ARHGEF9: variants seen among roughly 807,000 people sequenced by gnomAD.
ARHGEF9 encodes rho guanine nucleotide exchange factor 9.
ARHGEF9 carries 2 observed loss-of-function variants against 41.3 expected under a neutral mutation model. That is an observed-to-expected ratio of 0.05 (90% confidence interval 0.02 to 0.15). The LOEUF (loss-of-function observed/expected upper bound fraction) is 0.15. Among genes scored for constraint, ARHGEF9 ranks in the 10% least tolerant of loss-of-function variants. The pLI is 1.00. For synonymous variants in ARHGEF9, 160 were observed against 154.4 expected, an observed-to-expected ratio of 1.04 and a Z score of -0.27; for missense variants, 225 against 424.7, an observed-to-expected ratio of 0.53 and a Z score of 4.13.
intron 2 of ARHGEF9, among the ~76,000 whole-genome samples, chrX:63,721,958 G>A (rs1346877173): frequency 4.5e-4 from 50 of 111,649 alleles, no homozygotes; most frequent in Non-Finnish European, 1.1e-4. Flanking sequence ...GGTGTGAATA[G>A]GTCAAGACAC....
intron 7 of ARHGEF9, among the ~76,000 whole-genome samples, chrX:63,662,338 CA>C (rs782284507): frequency 5.4e-5 from 6 of 111,677 alleles, no homozygotes; most frequent in African/African-American, 2.0e-4. Context: ...GCAAGGAAAC[CA>C]TGGGAAAATC....
At chrX:63,663,120 C>T (rs1364821791) in intron 7 of ARHGEF9, among the ~76,000 whole-genome samples, 1 of 111,836 alleles carries the variant, frequency 8.9e-6, no homozygotes, top group Non-Finnish European at 1.9e-5. Context: ...CTTACAACCT[C>T]AGATCCTTTG....
intron 5 of ARHGEF9, among the ~76,000 whole-genome samples, chrX:63,677,526 T>G (rs1347146312): frequency 9.0e-6 from 1 of 111,131 alleles, no homozygotes; most frequent in Non-Finnish European, 1.9e-5. Flanking sequence ...TAATACAGAT[T>G]CCTGAGACCT....
intron 6 of ARHGEF9, among the ~76,000 whole-genome samples, chrX:63,666,449 T>TAC (rs782141996): frequency 5.0e-5 from 1 of 19,843 alleles, no homozygotes; most frequent in Non-Finnish European, 1.1e-4. Context: ...CATATATATA[T>TAC]ACATACACAC....
intron 2 of ARHGEF9, among the ~76,000 whole-genome samples, chrX:63,716,986 T>C (rs1293005329): frequency 1.8e-5 from 2 of 112,151 alleles, no homozygotes; most frequent in Non-Finnish European, 3.8e-5. Context: ...TTTATATAAA[T>C]ATGGGAATGA....
At chrX:63,752,884 C>G (rs1441623516) in intron 1 of ARHGEF9, among the ~76,000 whole-genome samples, 2 of 112,076 alleles carry the variant, frequency 1.8e-5, no homozygotes, top group Non-Finnish European at 1.9e-5. Flanking sequence ...TGAACAGCCA[C>G]CCACATGGGT....
chrX:63,709,129 TG>T (rs1344787515), intron 2 of ARHGEF9: 1 of 112,082 alleles, frequency 8.9e-6, no homozygotes, highest in Non-Finnish European at 1.9e-5. Context: ...TGCAGGCTAA[TG>T]TGTACCTTTT....
chrX:63,758,127 CT>C (rs781853715), intron 1 of ARHGEF9, among the ~76,000 whole-genome samples: 668 of 86,660 alleles, frequency 7.7e-3, no homozygotes, highest in African/African-American at 8.7e-3. Flanking sequence ...GAGAATGGGA[CT>C]TTTTTTTTTT....
chrX:63,769,380 G>C (rs1269311220), intron 1 of ARHGEF9, among the ~76,000 whole-genome samples: 1 of 109,947 alleles, frequency 9.1e-6, no homozygotes, highest in Non-Finnish European at 1.9e-5. Flanking sequence ...AAGACATTCA[G>C]TTTTATAATA....
chrX:63,693,047 C>G (rs2051462020), intron 4 of ARHGEF9, among the ~76,000 whole-genome samples: 1 of 110,996 alleles, frequency 9.0e-6, no homozygotes, highest in African/African-American at 3.3e-5. Context: ...TAGTAGTTAC[C>G]AGAAGTTAGG....
intron 3 of ARHGEF9, among the ~76,000 whole-genome samples, chrX:63,705,580 C>T (rs1312570453): frequency 9.0e-6 from 1 of 110,591 alleles, no homozygotes; most frequent in African/African-American, 3.3e-5. Context: ...TGTAGAGAGA[C>T]AGCTCTTGGG....
At chrX:63,643,863 T>G (rs1556309319) in intron 9 of ARHGEF9, 117 bp downstream of exon 9, 1 of 760,788 alleles carries the variant, frequency 1.3e-6, no homozygotes, top group Non-Finnish European at 1.9e-6. Flanking sequence ...CCTAGGGACC[T>G]GGATACTCCT....
chrX:63,665,332 G>A (rs2049462468), intron 7 of ARHGEF9, among the ~76,000 whole-genome samples: 1 of 112,522 alleles, frequency 8.9e-6, no homozygotes, highest in Non-Finnish European at 1.9e-5. Flanking sequence ...GAAGAGTGGA[G>A]AAGAGCACGG....
At chrX:63,645,477 C>T (rs1169610857) in intron 8 of ARHGEF9, among the ~76,000 whole-genome samples, 12 of 111,051 alleles carry the variant, frequency 1.1e-4, no homozygotes, top group African/African-American at 2.0e-4. Flanking sequence ...GAACGTGCGG[C>T]GTTTGGTTTT....
chrX:63,769,554 T>C (rs1322678028), intron 1 of ARHGEF9, among the ~76,000 whole-genome samples: 1 of 112,042 alleles, frequency 8.9e-6, no homozygotes, highest in East Asian at 2.8e-4. Flanking sequence ...CTCCAGGGCA[T>C]GTCAAAGGTC....
Position 63,644,056 on chromosome X carries a change from A to G in ARHGEF9, c.1322-8T>C. 1 of 1,195,315 alleles carries G rather than the reference A, an allele frequency of 8.4e-7. No homozygotes were observed. Among genetic ancestry groups the G allele is most frequent in the Non-Finnish European group, 1.1e-6 (1 of 881,545 alleles). ...TTTCAGAAATTTCAAAGCCTAAAAA[A>G]GAAAAATATATGATTTTTTAAATGA... On this transcript the variant is annotated splice_region_variant and splice_polypyrimidine_tract_variant and intron_variant, in intron 8 of 9. Coordinates refer to ENST00000671741, the MANE Select transcript of ARHGEF9 (RefSeq NM_001353921.2).
At chrX:63,738,335 G>A (rs2054739254) in intron 1 of ARHGEF9, among the ~76,000 whole-genome samples, 1 of 112,172 alleles carries the variant, frequency 8.9e-6, no homozygotes, top group Non-Finnish European at 1.9e-5. Context: ...GTGGAAGGGA[G>A]ACTTTTCACT....
intron 1 of ARHGEF9, among the ~76,000 whole-genome samples, chrX:63,765,413 C>T (rs1231434960): frequency 3.6e-5 from 4 of 110,972 alleles, no homozygotes; most frequent in Non-Finnish European, 7.5e-5. Context: ...AAAAAACCCT[C>T]GCTTAAGCAG....
intron 4 of ARHGEF9, among the ~76,000 whole-genome samples, chrX:63,679,504 T>G: frequency 9.0e-6 from 1 of 111,251 alleles, no homozygotes; most frequent in Non-Finnish European, 1.9e-5. Context: ...ATATAAGGGT[T>G]GAAAAACAAG....
Sources: allele counts gnomAD v4.1 joint callset (sites outside exome capture counted in the v4.1 genomes callset), GRCh38; gene constraint gnomAD v4.1.1; transcripts MANE v1.5; gene names NCBI Gene and HGNC (gene_info 2026-07-23, HGNC 2026-07-21).